TRMT11: variants seen among roughly 807,000 people sequenced by gnomAD.
TRMT11 encodes tRNA methyltransferase 11, also known as tRNA (guanine(10)-N(2))-methyltransferase TRMT11.
Under a neutral mutation model 62.8 loss-of-function variants are expected in TRMT11, and 53 were observed. The observed-to-expected ratio is 0.84, with a 90% CI of 0.68 to 1.06. The LOEUF is 1.06. Ranked by LOEUF, TRMT11 falls within the 50% of genes least tolerant of loss-of-function variation. The pLI is 0.00. For synonymous variants in TRMT11, 188 were observed against 190.3 expected (o/e 0.99, Z 0.10); for missense variants, 556 against 553.4 (o/e 1.00, Z -0.05).
chr6:126,203,547 A>C (rs1003617146), downstream of TRMT11, among the ~76,000 whole-genome samples: 23 of 152,188 alleles, frequency 1.5e-4, no homozygotes, highest in Admixed American at 6.5e-4. Flanking sequence ...TGATAAGTAA[A>C]GATGACTTCA....
At chr6:126,080,444 G>C (rs1394331006) in intron 17 of TRMT11, among the ~76,000 whole-genome samples, 1 of 152,070 alleles carries the variant, frequency 6.6e-6, no homozygotes, top group African/African-American at 2.4e-5. Context: ...ATAATGGAGA[G>C]TCAGGGTCAC....
upstream of TRMT11, among the ~76,000 whole-genome samples, chr6:126,174,506 C>T (rs1778363478): frequency 6.6e-6 from 1 of 152,174 alleles, no homozygotes; most frequent in African/African-American, 2.4e-5. Context: ...GCCTCAGGAC[C>T]TTAAAGCCAC....
At chr6:125,991,042 C>T (rs986787264) in intron 1 of TRMT11, among the ~76,000 whole-genome samples, 1 of 151,760 alleles carries the variant, frequency 6.6e-6, no homozygotes, top group Middle Eastern at 3.4e-3. Flanking sequence ...GTCAGGAGTT[C>T]GAGACCAGTC....
intron 17 of TRMT11, among the ~76,000 whole-genome samples, chr6:126,053,309 G>A (rs766979196): frequency 2.3e-4 from 35 of 152,186 alleles, no homozygotes; most frequent in Non-Finnish European, 4.1e-4. Context: ...TGTTTCTGAT[G>A]TTTTGACATC....
the TRMT11 span, among the ~76,000 whole-genome samples, chr6:126,253,202 TGGGTC>T: frequency 6.6e-6 from 1 of 152,108 alleles, no homozygotes; most frequent in Non-Finnish European, 1.5e-5. Context: ...TTTGGGAGGC[TGGGTC>T]TACACAGGGT....
At chr6:126,125,339 T>C (rs899039369) in intron 21 of TRMT11, among the ~76,000 whole-genome samples, 2 of 152,046 alleles carry the variant, frequency 1.3e-5, no homozygotes, top group African/African-American at 4.8e-5. Context: ...CAGAAATGTC[T>C]CCAGGTTTTA....
At chr6:126,088,749 A>G (rs1777241574) in intron 17 of TRMT11, among the ~76,000 whole-genome samples, 1 of 152,212 alleles carries the variant, frequency 6.6e-6, no homozygotes, top group Non-Finnish European at 1.5e-5. Context: ...TTAATTAGAG[A>G]GTAAAATGGG....
At chr6:126,019,937 G>A (rs1010306380) in intron 11 of TRMT11, among the ~76,000 whole-genome samples, 1 of 152,170 alleles carries the variant, frequency 6.6e-6, no homozygotes, top group African/African-American at 2.4e-5. Context: ...TTGTTAGAAA[G>A]CTCTAGGAAG....
chr6:126,050,191 G>A (rs559620341), intron 16 of TRMT11, among the ~76,000 whole-genome samples: 6 of 152,042 alleles, frequency 3.9e-5, no homozygotes, highest in South Asian at 4.2e-4. Context: ...TTAGCTGGGC[G>A]TGGTGGCACA....
intron 17 of TRMT11, among the ~76,000 whole-genome samples, chr6:126,111,073 AT>A (rs1432067584): frequency 6.6e-6 from 1 of 152,088 alleles, no homozygotes; most frequent in Non-Finnish European, 1.5e-5. Context: ...GTTTGCAGCC[AT>A]TTCCAAGAAC....
intron 21 of TRMT11, among the ~76,000 whole-genome samples, chr6:126,122,979 C>A (rs1463231240): frequency 6.6e-6 from 1 of 152,064 alleles, no homozygotes; most frequent in Non-Finnish European, 1.5e-5. Context: ...GCATAACTTA[C>A]TAATAAAGCA....
At chr6:125,997,412 A>G (rs1165812258) in intron 3 of TRMT11, among the ~76,000 whole-genome samples, 1 of 152,250 alleles carries the variant, frequency 6.6e-6, no homozygotes, top group African/African-American at 2.4e-5. Flanking sequence ...GCATGCGACA[A>G]AAAGGTGAAA....
intron 17 of TRMT11, among the ~76,000 whole-genome samples, chr6:126,091,828 G>A (rs1183032875): frequency 6.6e-6 from 1 of 152,124 alleles, no homozygotes; most frequent in Non-Finnish European, 1.5e-5. Flanking sequence ...ATGACACATT[G>A]ATTGCTTTCC....
At chr6:126,110,894 T>C (rs1225058156) in intron 17 of TRMT11, among the ~76,000 whole-genome samples, 1 of 152,118 alleles carries the variant, frequency 6.6e-6, no homozygotes, top group Non-Finnish European at 1.5e-5. Flanking sequence ...GGATTTATGT[T>C]TGAAATTAGA....
chr6:125,994,329 T>A (rs1177598539), intron 2 of TRMT11, among the ~76,000 whole-genome samples: 1 of 152,030 alleles, frequency 6.6e-6, no homozygotes, highest in Non-Finnish European at 1.5e-5. Flanking sequence ...TTTTTTCGTG[T>A]ACTTTTTTTT....
At chr6:126,213,360 GTT>G in the TRMT11 span, among the ~76,000 whole-genome samples, 6 of 152,054 alleles carry the variant, frequency 3.9e-5, no homozygotes, top group Admixed American at 3.9e-4. Flanking sequence ...CTTGCTTTGA[GTT>G]GTATGGATAT....
intron 12 of TRMT11, 132 bp downstream of exon 12, chr6:126,021,412 G>GTT: frequency 8.9e-7 from 1 of 1,129,076 alleles, no homozygotes; most frequent in East Asian, 2.7e-5. Flanking sequence ...AATTTAGGAA[G>GTT]AGGCAGAAGT....
chr6:126,158,809 G>A (rs752076436), intron 21 of TRMT11, among the ~76,000 whole-genome samples: 1 of 152,058 alleles, frequency 6.6e-6, no homozygotes, highest in Non-Finnish European at 1.5e-5. Flanking sequence ...TCCTACAAAG[G>A]CCTCTCTCTC....
chr6:126,096,647 C>T (rs1179361222), intron 17 of TRMT11, among the ~76,000 whole-genome samples: 1 of 151,914 alleles, frequency 6.6e-6, no homozygotes, highest in Non-Finnish European at 1.5e-5. Context: ...CTTTAAGCCT[C>T]TGTAAGTCAG....
Sources: allele counts gnomAD v4.1 joint callset (sites outside exome capture counted in the v4.1 genomes callset), GRCh38; gene constraint gnomAD v4.1.1; transcripts MANE v1.5; gene names NCBI Gene and HGNC (gene_info 2026-07-23, HGNC 2026-07-21).